NEK10: variants seen among roughly 807,000 people sequenced by gnomAD.
The protein encoded by NEK10 is NIMA related kinase 10, also known as serine/threonine-protein kinase Nek10.
A neutral mutation model predicts 159.8 loss-of-function variants in NEK10; 122 were observed. That is an observed-to-expected ratio of 0.76 (90% CI 0.66 to 0.89). NEK10 has a LOEUF of 0.89. NEK10 is among the 40% of genes least tolerant of loss of function. NEK10 has a pLI of 0.00. For missense variants in NEK10, 1,342 were observed against 1,323.1 expected, an observed-to-expected ratio of 1.01 and a Z score of -0.22; for synonymous variants, 466 against 457.1, an observed-to-expected ratio of 1.02 and a Z score of -0.25.
intron 23 of NEK10, among the ~76,000 whole-genome samples, chr3:27,225,933 G>C (rs893643762): frequency 6.6e-6 from 1 of 152,168 alleles, no homozygotes; most frequent in Non-Finnish European, 1.5e-5. Flanking sequence ...CCCAGATATA[G>C]GAAATGAGTT....
At chr3:27,348,179 GAT>G (rs2047703284) in intron 3 of NEK10, among the ~76,000 whole-genome samples, 2 of 152,224 alleles carry the variant, frequency 1.3e-5, no homozygotes, top group African/African-American at 2.4e-5. Context: ...AAAATATCAT[GAT>G]ATACCGCATA....
intron 22 of NEK10, chr3:27,265,480 C>G (rs892580085): frequency 1.3e-5 from 2 of 152,204 alleles, no homozygotes; most frequent in Admixed American, 1.3e-4. Flanking sequence ...CTAATAGGTA[C>G]ATAGTGATAT....
chr3:27,133,128 C>T (rs575301864), intron 31 of NEK10, among the ~76,000 whole-genome samples: 1 of 152,270 alleles, frequency 6.6e-6, no homozygotes, highest in Non-Finnish European at 1.5e-5. Context: ...CTTGGCATTA[C>T]CATCCTATTC....
chr3:27,309,625 C>G (rs1443709765), intron 9 of NEK10: 1 of 152,182 alleles, frequency 6.6e-6, no homozygotes, highest in African/African-American at 2.4e-5. Flanking sequence ...TTCTCTCCCC[C>G]TTCTGATCCC....
At chr3:27,244,880 C>T (rs1954908244) in intron 23 of NEK10, among the ~76,000 whole-genome samples, 1 of 151,800 alleles carries the variant, frequency 6.6e-6, no homozygotes, top group Non-Finnish European at 1.5e-5. Flanking sequence ...TTGCTCCCAG[C>T]TTGCCTAGCA....
At position 27,110,467 on chromosome 3, in the gene NEK10, A is replaced by G. The variant is rs1196479096; in HGVS notation, c.*805T>C. The G allele has an allele frequency of 6.6e-6, 1 of 152,218 alleles. No homozygotes were observed. Among genetic ancestry groups the G allele is most frequent in the East Asian group, 1.9e-4 (1 of 5,204 alleles). 9.4% of individuals were successfully genotyped at this position (152,218 alleles called of 1,614,324 possible). ...TTGCATCTTTTTCATAGATTCTATA[A>G]ACTCTTCAAAGTGCTCTAAAAATAC... On this transcript the variant is annotated 3_prime_UTR_variant, in exon 36 of 36. Transcript: ENST00000691995.
chr3:27,175,923 A>G (rs574425183), intron 26 of NEK10, among the ~76,000 whole-genome samples: 1 of 152,326 alleles, frequency 6.6e-6, no homozygotes, highest in South Asian at 2.1e-4. Flanking sequence ...GGCTCCAATG[A>G]TGCTCATTTC....
At chr3:27,228,755 A>T (rs1166707663) in intron 23 of NEK10, among the ~76,000 whole-genome samples, 1 of 152,154 alleles carries the variant, frequency 6.6e-6, no homozygotes, top group Non-Finnish European at 1.5e-5. Context: ...CCTACTTGGA[A>T]CATCAACGTT....
chr3:27,349,880 T>C (rs1355547222), intron 3 of NEK10, among the ~76,000 whole-genome samples: 1 of 152,206 alleles, frequency 6.6e-6, no homozygotes, highest in Non-Finnish European at 1.5e-5. Context: ...TGTGTGTCTC[T>C]GTCTCCAGTT....
At chr3:27,319,668 A>G (rs541715750) in intron 6 of NEK10, among the ~76,000 whole-genome samples, 11 of 152,328 alleles carry the variant, frequency 7.2e-5, no homozygotes, top group African/African-American at 2.6e-4. Flanking sequence ...ATGATAAGGA[A>G]AAATAGAGAG....
At chr3:27,277,239 A>G (rs1031868069) in intron 22 of NEK10, among the ~76,000 whole-genome samples, 1 of 128,020 alleles carries the variant, frequency 7.8e-6, no homozygotes, top group Non-Finnish European at 1.7e-5. Flanking sequence ...AAGGACAGAA[A>G]GGCCTAGATC....
At chr3:27,155,887 A>C (rs1945360404) in intron 30 of NEK10, among the ~76,000 whole-genome samples, 1 of 152,214 alleles carries the variant, frequency 6.6e-6, no homozygotes, top group Non-Finnish European at 1.5e-5. Context: ...CTGATTTCAA[A>C]CTATACTATA....
At chr3:27,259,828 A>G (rs2040237753) in intron 22 of NEK10, among the ~76,000 whole-genome samples, 1 of 152,094 alleles carries the variant, frequency 6.6e-6, no homozygotes, top group Admixed American at 6.6e-5. Flanking sequence ...CATTTTCACA[A>G]TATTGATTCT....
chr3:27,185,927 T>C (rs1047612568), intron 26 of NEK10, among the ~76,000 whole-genome samples: 5 of 152,178 alleles, frequency 3.3e-5, no homozygotes, highest in Non-Finnish European at 7.4e-5. Flanking sequence ...TAAGATGGAT[T>C]TGCCAGACAT....
At chr3:27,164,127 C>A (rs1414371066) in intron 29 of NEK10, among the ~76,000 whole-genome samples, 2 of 152,126 alleles carry the variant, frequency 1.3e-5, no homozygotes, top group African/African-American at 4.8e-5. Flanking sequence ...GTAAATGGAA[C>A]CTGCCAGCCT....
At chr3:27,162,210 T>C in intron 30 of NEK10, 1 of 525,332 alleles carries the variant, frequency 1.9e-6, no homozygotes, top group Non-Finnish European at 3.2e-6. Flanking sequence ...GTCAACTGGT[T>C]AACATTCCCG....
chr3:27,267,397 CTT>C (rs1227793231), intron 22 of NEK10, among the ~76,000 whole-genome samples: 1 of 152,106 alleles, frequency 6.6e-6, no homozygotes, highest in African/African-American at 2.4e-5. Context: ...ATATTGCATT[CTT>C]TTTTACAAAT....
Position 27,284,932 on chromosome 3 carries a change from T to G in NEK10, c.1819A>C (p.Ile607Leu), listed in dbSNP as rs1444767323. The G allele has an allele frequency of 6.2e-7, 1 of 1,607,648 alleles. No homozygotes were observed. Among genetic ancestry groups the G allele is most frequent in the Non-Finnish European group, 8.5e-7 (1 of 1,174,892 alleles). ...NDRLYIVMELIEGAPLGEHFS... is the reference protein window; with the variant it reads ...NDRLYIVMELLEGAPLGEHFS... ...TGCTCTCCAAGCGGGGCTCCTTCTA[T>G]CAGCTCCATAACTATGTACAACCTA... Residue 607 changes from isoleucine (I) to leucine (L), a missense_variant, in exon 21 of 36, where the codon ATA (isoleucine) becomes CTA (leucine). Transcript: ENST00000691995.
intron 12 of NEK10, 38 bp downstream of exon 12, chr3:27,304,709 A>C: frequency 7.3e-7 from 1 of 1,377,198 alleles, no homozygotes; most frequent in South Asian, 1.2e-5. Context: ...AGACTTCAAC[A>C]AACAGGGCAA....
Sources: gnomAD v4.1 joint callset for allele counts (sites outside exome capture counted in the v4.1 genomes callset) on GRCh38, gnomAD v4.1.1 for gene constraint, MANE v1.5 for transcripts, NCBI Gene and HGNC (gene_info 2026-07-23, HGNC 2026-07-21) for gene names.